OPRM1: variants seen among roughly 807,000 people sequenced by gnomAD.
OPRM1 encodes the protein opioid receptor mu 1.
Under a neutral mutation model 31.8 loss-of-function variants are expected in OPRM1, and 27 were observed. That is an observed-to-expected ratio of 0.85 (90% CI 0.63 to 1.17). OPRM1 has a LOEUF of 1.17. OPRM1 is among the 50% of genes most tolerant of loss of function. The pLI is 0.00. For missense variants in OPRM1, 536 were observed against 511.1 expected, an observed-to-expected ratio of 1.05 and a Z score of -0.47; for synonymous variants, 196 against 189.9, an observed-to-expected ratio of 1.03 and a Z score of -0.26.
At position 154,126,678 on chromosome 6, in the gene OPRM1, T is replaced by C. The variant is rs1797602606; in HGVS notation, c.*7957T>C. On this transcript the variant is annotated 3_prime_UTR_variant, in exon 4 of 4. Transcript: ENST00000330432. ...TTTTCATCTGCAGGGTAGATTTGGC[T>C]TCCATGGTTGTTCACTGCTCTGTGT... Among the ~76,000 whole-genome samples the C allele has an allele frequency of 6.6e-6, 1 of 152,080 alleles. No homozygotes were observed. The highest frequency in any genetic ancestry group is 2.4e-5 in the African/African-American group (1 of 41,390).
chr6:154,047,217 T>C (rs1218679126), intron 1 of OPRM1, among the ~76,000 whole-genome samples: 2 of 113,668 alleles, frequency 1.8e-5, no homozygotes, highest in Non-Finnish European at 1.7e-5. Flanking sequence ...GAGCATCACA[T>C]GTTTGAGCAG....
At chr6:154,169,648 T>C (rs1260254884) in intron 3 of OPRM1, among the ~76,000 whole-genome samples, 1 of 152,224 alleles carries the variant, frequency 6.6e-6, no homozygotes, top group Non-Finnish European at 1.5e-5. Context: ...ATTCCTCATC[T>C]TGCCACACAG....
rs1458153272 is a variant in OPRM1 at position 154,128,582 on chromosome 6, T to C, written c.*9861T>C. Among the ~76,000 whole-genome samples the C allele has an allele frequency of 6.6e-6, 1 of 152,180 alleles. No individual in the cohort carries two copies. Among genetic ancestry groups the C allele is most frequent in the East Asian group, 1.9e-4 (1 of 5,202 alleles). ...TAATTCTTTTTTTTCTCATAATAAG[T>C]TTGAAACTCACAGTAGGAAATTGAG... On this transcript the variant is annotated 3_prime_UTR_variant, in exon 4 of 4. Coordinates refer to ENST00000330432, the MANE Select transcript of OPRM1 (RefSeq NM_000914.5).
rs933403172 is a variant in OPRM1 at position 154,122,638 on chromosome 6, A to G, written c.*3917A>G. Among the ~76,000 whole-genome samples the G allele has an allele frequency of 2.0e-5, 3 of 152,174 alleles. No individual in the cohort carries two copies. The highest frequency in any genetic ancestry group is 4.4e-5 in the Non-Finnish European group (3 of 68,028). On this transcript the variant is annotated 3_prime_UTR_variant, in exon 4 of 4. Coordinates refer to ENST00000330432, the MANE Select transcript of OPRM1 (RefSeq NM_000914.5). ...TTCAAAAATATAAAAAGTACAAGGA[A>G]TTGTGTACATTACAAACTGCTCCAG...
chr6:154,091,829 A>T lies in OPRM1; in HGVS notation c.1164+357A>T, dbSNP rs1005155611. On this transcript the variant is annotated intron_variant, in intron 3 of 3. Transcript: ENST00000330432. ...CCCAGAATTATTATATAATTCATAG[A>T]TGTTGCTGCAATACCCCTCTTATTT... The T allele has an allele frequency of 5.1e-5, 52 of 1,014,100 alleles. No individual in the cohort carries two copies. The South Asian group carries it at 1.9e-3, about 36-fold the overall frequency. The allele number at this position is 1,014,100 out of a possible 1,614,324, so 62.8% of individuals were successfully genotyped here.
chr6:154,197,264 T>TAAAC lies in OPRM1; in HGVS notation c.1165-49427_1165-49424dup, dbSNP rs1296206273. Among the ~76,000 whole-genome samples, 7 of 152,248 alleles carry TAAAC rather than the reference T, an allele frequency of 4.6e-5. No individual in the cohort carries two copies. The East Asian group carries it at 1.2e-3, about 25-fold the overall frequency. ...AAAAGCTACCTTTGTCTGCAACACA[T>TAAAC]AAACACACATGTAAAAAAAAATGCA... is the stretch of plus-strand genomic sequence containing the variant. On this transcript the variant is annotated intron_variant, in intron 3 of 3. Coordinates refer to the OPRM1 transcript ENST00000337049.
intron 1 of OPRM1, among the ~76,000 whole-genome samples, chr6:154,078,930 A>G (rs1481654960): frequency 1.3e-5 from 2 of 152,222 alleles, no homozygotes; most frequent in African/African-American, 2.4e-5. Context: ...GGCTTATGCC[A>G]TAGGCCATAG....
At position 154,030,983 on chromosome 6, in the gene OPRM1, A is replaced by G. The variant is rs1173453450; in HGVS notation, c.1-8178A>G. 6.9e-4 allele frequency among the ~76,000 whole-genome samples: 105 copies of G among 152,340 alleles called. 1 individual carries two copies. Among genetic ancestry groups the G allele is most frequent in the Admixed American group, 2.0e-3 (30 of 15,304 alleles). ...TGGATGCAAATGAAGCCTAGACTAT[A>G]TAATCCAAGATAAGAAGCAGAAATT... is the stretch of plus-strand genomic sequence containing the variant. On this transcript the variant is annotated intron_variant, in intron 1 of 5. Coordinates refer to the OPRM1 transcript ENST00000434900.
intron 3 of OPRM1, among the ~76,000 whole-genome samples, chr6:154,160,502 T>C (rs1798923193): frequency 6.6e-6 from 1 of 152,254 alleles, no homozygotes; most frequent in South Asian, 2.1e-4. Flanking sequence ...TATCTTTATT[T>C]TTAATAAATC....
At chr6:154,235,431 CT>C (rs752203037) in intron 3 of OPRM1, among the ~76,000 whole-genome samples, 55 of 149,716 alleles carry the variant, frequency 3.7e-4, no homozygotes, top group Non-Finnish European at 6.0e-4. Context: ...ACTCGAGAGG[CT>C]GAGCAGGAGA....
At chr6:154,043,644 A>G (rs1780526652) in intron 1 of OPRM1, among the ~76,000 whole-genome samples, 1 of 152,146 alleles carries the variant, frequency 6.6e-6, no homozygotes, top group Non-Finnish European at 1.5e-5. Context: ...TAAAAAGATA[A>G]TAGTTTATTT....
rs1797124316 is a variant in OPRM1, at chr6:154,118,665, C to T, written c.1165-18C>T. The T allele has an allele frequency of 6.2e-7, 1 of 1,612,490 alleles. No individual in the cohort carries two copies. Among genetic ancestry groups the T allele is most frequent in the Non-Finnish European group, 8.5e-7 (1 of 1,178,914 alleles). ...GTATCTGAAATGTTCACTGTCTTTG[C>T]TCTTTCTCTCCTTTCAGCTAGAAAA... On this transcript the variant is annotated intron_variant, in intron 3 of 3. Coordinates refer to ENST00000330432, the MANE Select transcript of OPRM1 (RefSeq NM_000914.5).
chr6:154,112,186 C>T (rs1274216673), intron 3 of OPRM1, among the ~76,000 whole-genome samples: 1 of 152,186 alleles, frequency 6.6e-6, no homozygotes, highest in East Asian at 1.9e-4. Flanking sequence ...GTCAAATCTA[C>T]TAACTGTACT....
At chr6:154,059,916 T>A (rs1042265132) in intron 1 of OPRM1, among the ~76,000 whole-genome samples, 1 of 152,226 alleles carries the variant, frequency 6.6e-6, no homozygotes, top group Admixed American at 6.5e-5. Flanking sequence ...AGAGCTTTTT[T>A]AATTATTTTG....
At chr6:154,067,318 G>A (rs903229033) in intron 1 of OPRM1, among the ~76,000 whole-genome samples, 1 of 151,654 alleles carries the variant, frequency 6.6e-6, no homozygotes, top group South Asian at 2.1e-4. Flanking sequence ...TGTTTTTGCT[G>A]CATCATAAAA....
intron 1 of OPRM1, among the ~76,000 whole-genome samples, chr6:154,024,647 A>G (rs1477127183): frequency 2.8e-5 from 4 of 144,874 alleles, no homozygotes; most frequent in Admixed American, 2.0e-4. Flanking sequence ...GCTTATTTGA[A>G]GTTTTTTTTT....
At chr6:154,239,724 G>A (rs1309266819) in intron 3 of OPRM1, among the ~76,000 whole-genome samples, 2 of 151,790 alleles carry the variant, frequency 1.3e-5, no homozygotes, top group East Asian at 3.9e-4. Flanking sequence ...TTTTTTTTGA[G>A]ACGCAGTCTC....
chr6:154,188,360 T>C (rs1223644387), intron 3 of OPRM1, among the ~76,000 whole-genome samples: 1 of 152,042 alleles, frequency 6.6e-6, no homozygotes. Flanking sequence ...GAAAGACAAA[T>C]AAATGGAGAG....
intron 1 of OPRM1, among the ~76,000 whole-genome samples, chr6:154,061,435 G>A (rs1338440565): frequency 6.6e-6 from 1 of 152,018 alleles, no homozygotes; most frequent in Non-Finnish European, 1.5e-5. Context: ...TGCCTATCAT[G>A]TGCTTGGCAA....
Sources: allele counts gnomAD v4.1 joint callset (sites outside exome capture counted in the v4.1 genomes callset), GRCh38; gene constraint gnomAD v4.1.1; transcripts MANE v1.5; gene names NCBI Gene and HGNC (gene_info 2026-07-23, HGNC 2026-07-21).